FER: variants seen among roughly 807,000 people sequenced by gnomAD.
FER encodes the protein tyrosine-protein kinase Fer.
In FER, 63 loss-of-function variants were observed where a neutral mutation model predicts 111.0. The observed-to-expected ratio is 0.57, with a 90% CI of 0.46 to 0.70. The LOEUF (loss-of-function observed/expected upper bound fraction) is 0.70, where lower values mean the gene tolerates loss of function less well. FER is among the 30% of genes least tolerant of loss of function. The pLI is 0.00. For synonymous variants in FER, 327 were observed against 313.9 expected (o/e 1.04, Z -0.44); for missense variants, 914 against 954.0 (o/e 0.96, Z 0.55).
At chr5:109,059,590 G>A (rs569297119) in intron 16 of FER, among the ~76,000 whole-genome samples, 1 of 152,154 alleles carries the variant, frequency 6.6e-6, no homozygotes, top group African/African-American at 2.4e-5. Context: ...TCTTTGCTTA[G>A]TTCCTCTCTC....
chr5:108,757,519 T>C (rs1412641209), intron 1 of FER, among the ~76,000 whole-genome samples: 2 of 152,200 alleles, frequency 1.3e-5, no homozygotes, highest in African/African-American at 4.8e-5. Context: ...GAGTCTTTGA[T>C]CTTGACGCAC....
At chr5:108,848,069 G>A (rs894620698) in intron 5 of FER, among the ~76,000 whole-genome samples, 3 of 151,862 alleles carry the variant, frequency 2.0e-5, no homozygotes, top group African/African-American at 7.3e-5. Flanking sequence ...TTATAGAGAT[G>A]GGGTTTCGCC....
At chr5:108,877,591 C>G (rs1765218642) in intron 8 of FER, among the ~76,000 whole-genome samples, 1 of 152,032 alleles carries the variant, frequency 6.6e-6, no homozygotes, top group South Asian at 2.1e-4. Flanking sequence ...AAAGAGATGG[C>G]AAGAAATAGT....
intron 3 of FER, among the ~76,000 whole-genome samples, chr5:108,819,200 A>ATTTTTTTTTTTTTTTTGG (rs1758582940): frequency 8.1e-6 from 1 of 122,752 alleles, no homozygotes. Flanking sequence ...TTTTTTTTTA[A>ATTTTTTTTTTTTTTTTGG]TTTTTAGAGC....
chr5:108,941,661 A>G (rs1034074566), intron 10 of FER, among the ~76,000 whole-genome samples: 7 of 152,216 alleles, frequency 4.6e-5, no homozygotes, highest in Non-Finnish European at 8.8e-5. Flanking sequence ...ATGATTTTTC[A>G]TACAAGCAAA....
Position 108,765,396 on chromosome 5 carries a change from G to T in FER, c.-205-2697G>T, listed in dbSNP as rs542857437. 7.9e-5 allele frequency among the ~76,000 whole-genome samples: 12 copies of T among 152,066 alleles called. No individual in the cohort carries two copies. The South Asian group carries it at 2.5e-3, about 32-fold the overall frequency. On this transcript the variant is annotated intron_variant, in intron 1 of 19. Transcript: ENST00000281092. ...GTTAGAGATTGAGACACAATACATGGGTCCTGTGACTAGCTTACTTTCTTT... is the reference window on the plus strand; with the variant it reads ...GTTAGAGATTGAGACACAATACATGTGTCCTGTGACTAGCTTACTTTCTTT...
At chr5:108,938,062 ACACACACAC>A (rs1205356324) in intron 10 of FER, among the ~76,000 whole-genome samples, 23 of 143,472 alleles carry the variant, frequency 1.6e-4, no homozygotes, top group Non-Finnish European at 3.3e-4. Flanking sequence ...ACACACACAC[ACACACACAC>A]GTAAAAACTG....
Position 108,798,119 on chromosome 5 carries a change from C to A in FER, c.-59-5C>A. The A allele has an allele frequency of 8.8e-7, 1 of 1,134,842 alleles. No homozygotes were observed. The highest frequency in any genetic ancestry group is 2.2e-5 in the Admixed American group (1 of 44,738). The allele number at this position is 1,134,842 out of a possible 1,614,324, so 70.3% of individuals were successfully genotyped here. ...AGAGTTTTTCTCTTTTGTTTACATA[C>A]ACAGATATGTGCTGATTAGAAGGCT... On this transcript the variant is annotated splice_region_variant and splice_polypyrimidine_tract_variant and intron_variant, in intron 2 of 19. Coordinates refer to ENST00000281092, the MANE Select transcript of FER (RefSeq NM_005246.4).
intron 13 of FER, among the ~76,000 whole-genome samples, chr5:109,002,140 A>G (rs1207961931): frequency 6.6e-6 from 1 of 151,340 alleles, no homozygotes; most frequent in Non-Finnish European, 1.5e-5. Context: ...TTCATATGGA[A>G]CCAAAAAAGA....
intron 13 of FER, among the ~76,000 whole-genome samples, chr5:109,001,090 T>TA (rs1764705790): frequency 6.6e-6 from 1 of 152,076 alleles, no homozygotes. Flanking sequence ...GAGGAGCTGG[T>TA]ACCATTCCTT....
At chr5:109,000,609 C>A (rs1764639583) in intron 13 of FER, among the ~76,000 whole-genome samples, 1 of 151,906 alleles carries the variant, frequency 6.6e-6, no homozygotes. Context: ...GAAGCAAGAG[C>A]AAACACATTC....
At chr5:108,875,768 C>T (rs1005264851) in intron 8 of FER, among the ~76,000 whole-genome samples, 32 of 152,026 alleles carry the variant, frequency 2.1e-4, no homozygotes, top group African/African-American at 6.5e-4. Flanking sequence ...TAAGCATTAA[C>T]TTGTCTGCAA....
intron 5 of FER, among the ~76,000 whole-genome samples, chr5:108,860,289 A>G (rs1324959999): frequency 2.6e-5 from 4 of 151,746 alleles, no homozygotes; most frequent in African/African-American, 9.7e-5. Context: ...AAACACAAAC[A>G]TTTTCTTTTT....
chr5:109,085,577 A>T (rs1471291191), intron 16 of FER, among the ~76,000 whole-genome samples: 1 of 151,316 alleles, frequency 6.6e-6, no homozygotes, highest in Non-Finnish European at 1.5e-5. Flanking sequence ...ATAGATATTC[A>T]GTAAAATGAT....
At chr5:109,082,059 G>A (rs1167813752) in intron 16 of FER, among the ~76,000 whole-genome samples, 2 of 151,814 alleles carry the variant, frequency 1.3e-5, no homozygotes, top group Non-Finnish European at 2.9e-5. Flanking sequence ...TTTGAACGGG[G>A]GACAGGGAAT....
At chr5:109,141,763 C>T (rs1021321547) in intron 17 of FER, among the ~76,000 whole-genome samples, 1 of 152,172 alleles carries the variant, frequency 6.6e-6, no homozygotes, top group Non-Finnish European at 1.5e-5. Flanking sequence ...CACAGCCATG[C>T]CTGCATTCAG....
At chr5:108,801,649 G>A (rs1306909731) in intron 3 of FER, among the ~76,000 whole-genome samples, 1 of 152,144 alleles carries the variant, frequency 6.6e-6, no homozygotes, top group Non-Finnish European at 1.5e-5. Context: ...ATTCAAAGGT[G>A]CAAATTTCCT....
Position 108,794,485 on chromosome 5 carries a change from C to T in FER, c.-59-3639C>T, listed in dbSNP as rs529091709. On this transcript the variant is annotated intron_variant, in intron 2 of 19. Transcript: ENST00000281092. The stretch of plus-strand genomic sequence containing the variant: ...CCACCCACCTTGGCCTCCCAAAGTG[C>T]TGGGATTACAGATGTGAGTCACTGT... 4.8e-3 allele frequency among the ~76,000 whole-genome samples: 732 copies of T among 151,002 alleles called. 7 individuals carry two copies. The highest frequency in any genetic ancestry group is 0.016 in the African/African-American group (670 of 40,948).
chr5:109,012,363 ATAGCAACATTGCCTTCAATTGATGGC>A, intron 13 of FER, among the ~76,000 whole-genome samples: 2 of 152,280 alleles, frequency 1.3e-5, no homozygotes, highest in South Asian at 4.1e-4. Flanking sequence ...CATGGGAGGG[ATAGCAACATTGCCTTCAATTGATGGC>A]AAGTTTCACG....
Sources: allele counts gnomAD v4.1 joint callset (sites outside exome capture counted in the v4.1 genomes callset), GRCh38; gene constraint gnomAD v4.1.1; transcripts MANE v1.5; gene names NCBI Gene and HGNC (gene_info 2026-07-23, HGNC 2026-07-21).